The following SPARC variants were observed in gnomAD, a reference collection of about 807,000 sequenced individuals.
SPARC encodes the protein secreted protein acidic and cysteine rich, also known as basement-membrane protein 40.
In SPARC, 23 loss-of-function variants were observed where a neutral mutation model predicts 37.7. That is an observed-to-expected ratio of 0.61 (90% CI 0.44 to 0.87). The LOEUF (loss-of-function observed/expected upper bound fraction) is 0.87, where lower values mean the gene tolerates loss of function less well. SPARC is among the 40% of genes least tolerant of loss of function. The pLI is 0.00. For missense variants in SPARC, 312 were observed against 389.0 expected (o/e 0.80, Z 1.66); for synonymous variants, 155 against 150.8 (o/e 1.03, Z -0.20).
Position 151,676,781 on chromosome 5 carries a change from C to T in SPARC, c.-13-580G>A, listed in dbSNP as rs369696087. Among the ~76,000 whole-genome samples the T allele has an allele frequency of 1.2e-3, 188 of 152,280 alleles. 2 individuals carry two copies. Among genetic ancestry groups the T allele is most frequent in the African/African-American group, 4.3e-3 (179 of 41,542 alleles). ...ATCTCTCCTCTTCCTCCTCTGTCGC[C>T]TCCTCCCCCTCCTTCCTACTCCCTC... On this transcript the variant is annotated intron_variant, in intron 1 of 9. Transcript: ENST00000231061.
rs750973122 is a variant in SPARC at position 151,673,122 on chromosome 5, G to A, written c.208+7C>T. On this transcript the variant is annotated splice_region_variant and intron_variant, in intron 4 of 9. Coordinates refer to ENST00000231061, the MANE Select transcript of SPARC (RefSeq NM_003118.4). ...TGGATGTGCCAAGTTACAGGGAAGG[G>A]ACATACTTTCCGCCACCACCTCCTC... 6.2e-7 allele frequency: 1 copy of A among 1,608,040 alleles called. No homozygotes were observed. The highest frequency in any genetic ancestry group is 8.5e-7 in the Non-Finnish European group (1 of 1,174,418).
At chr5:151,678,148 A>G (rs984056480) in intron 1 of SPARC, among the ~76,000 whole-genome samples, 3 of 152,236 alleles carry the variant, frequency 2.0e-5, no homozygotes, top group Non-Finnish European at 2.9e-5. Context: ...AAACAAAACA[A>G]AAAGTTACCC....
At position 151,664,089 on chromosome 5, in the gene SPARC, T is replaced by C. The variant is rs1343545645; in HGVS notation, c.881A>G (p.Gln294Arg). 2 of 1,614,068 alleles carry C rather than the reference T, an allele frequency of 1.2e-6. No homozygotes were observed. Among genetic ancestry groups the C allele is most frequent in the African/African-American group, 2.7e-5 (2 of 74,950 alleles). Residue 294 changes from glutamine to arginine, a missense_variant and splice_region_variant, in exon 9 of 10, where the codon CAG becomes CGG. Physicochemically the swap from Gln to Arg is conservative, Grantham distance 43. Transcript: ENST00000231061. ...TGCTTCTTTGTTCAGACACTCACTC[T>C]GCTTGATGCCGAAGCAGCCGGCCCA... is the stretch of plus-strand genomic sequence containing the variant. The part of the protein sequence containing the change: ...DEWAGCFGIK[Q>R]KDIDKDLVI
At chr5:151,683,509 G>A (rs559642735) in intron 1 of SPARC, among the ~76,000 whole-genome samples, 1 of 152,218 alleles carries the variant, frequency 6.6e-6, no homozygotes, top group Admixed American at 6.5e-5. Flanking sequence ...CTCTTCCTGA[G>A]CCTCAGTTTC....
At position 151,661,310 on chromosome 5, in the gene SPARC, C is replaced by T. The variant is rs974160680; in HGVS notation, c.*2261G>A. On this transcript the variant is annotated 3_prime_UTR_variant, in exon 10 of 10. Coordinates refer to ENST00000231061, the MANE Select transcript of SPARC (RefSeq NM_003118.4). ...AATGAGCCAATGCTGAAATTTACTT[C>T]AATTCCTCTCTCTACAGATTCCTAG... is the stretch of plus-strand genomic sequence containing the variant. The T allele has an allele frequency of 6.6e-6, 1 of 152,180 alleles. No homozygotes were observed. Among genetic ancestry groups the T allele is most frequent in the African/African-American group, 2.4e-5 (1 of 41,440 alleles). The allele number at this position is 152,180 out of a possible 1,614,324, so 9.4% of individuals were successfully genotyped here. A position where few individuals can be genotyped will look rare whatever the true frequency, so the allele number is the denominator to read the frequency against.
chr5:151,667,405 T>G (rs1487815289), intron 7 of SPARC, 62 bp downstream of exon 7: 74 of 1,605,672 alleles, frequency 4.6e-5, no homozygotes, highest in Non-Finnish European at 6.2e-5. Flanking sequence ...GGGGGCCCAG[T>G]TCTAGGAATG....
In SPARC at chr5:151,670,483, T is replaced by A. The variant is rs6861887; in HGVS notation, c.331-699A>T. On this transcript the variant is annotated intron_variant, in intron 5 of 9. Coordinates refer to ENST00000231061, the MANE Select transcript of SPARC (RefSeq NM_003118.4). ...TAAGAATGCACTCTGATGACCCCTC[T>A]TGGGAGTCAGTCAGTCTCCACCCAG... 1.1e-3 allele frequency among the ~76,000 whole-genome samples: 164 copies of A among 152,324 alleles called. 1 individual carries two copies. Among genetic ancestry groups the A allele is most frequent in the African/African-American group, 3.8e-3 (158 of 41,564 alleles).
intron 1 of SPARC, among the ~76,000 whole-genome samples, chr5:151,677,277 A>C (rs1392687678): frequency 6.6e-6 from 1 of 152,146 alleles, no homozygotes; most frequent in African/African-American, 2.4e-5. Context: ...TGCCTCCCTC[A>C]AACTTTCTGA....
chr5:151,674,331 G>A (rs1760811756), intron 3 of SPARC, among the ~76,000 whole-genome samples: 1 of 151,994 alleles, frequency 6.6e-6, no homozygotes, highest in African/African-American at 2.4e-5. Flanking sequence ...TTTTACGTTT[G>A]CAAAAACTGT....
chr5:151,666,348 T>A lies in SPARC; in HGVS notation c.734+13A>T, dbSNP rs1581519851. ...GCCTTGAGCTCTGTTCACTCTAGGG[T>A]CTGGGGTCTTACCCGTCAATGGGGT... On this transcript the variant is annotated intron_variant, in intron 8 of 9. Coordinates refer to ENST00000231061, the MANE Select transcript of SPARC (RefSeq NM_003118.4). 2 of 1,612,570 alleles carry A rather than the reference T, an allele frequency of 1.2e-6. No individual in the cohort carries two copies. The highest frequency in any genetic ancestry group is 4.5e-5 in the East Asian group (2 of 44,840).
chr5:151,676,674 A>T (rs1760865184), intron 1 of SPARC, among the ~76,000 whole-genome samples: 1 of 152,226 alleles, frequency 6.6e-6, no homozygotes, highest in African/African-American at 2.4e-5. Flanking sequence ...TAACTAGTTA[A>T]GTTTGGGCAA....
chr5:151,674,544 G>A (rs1364720118), intron 3 of SPARC, 68 bp downstream of exon 3: 18 of 1,451,586 alleles, frequency 1.2e-5, no homozygotes, highest in South Asian at 3.4e-5. Context: ...CACAGCATCC[G>A]CCCTAATTTC....
intron 1 of SPARC, among the ~76,000 whole-genome samples, chr5:151,684,715 T>G (rs1212029291): frequency 1.3e-5 from 2 of 151,974 alleles, no homozygotes; most frequent in Non-Finnish European, 2.9e-5. Flanking sequence ...ATTCGCAAAG[T>G]GCTTCCCTGT....
Position 151,666,390 on chromosome 5 carries a change from G to A in SPARC, c.705C>T (p.Phe235=), listed in dbSNP as rs755476160. The A allele has an allele frequency of 1.9e-5, 31 of 1,613,948 alleles. No homozygotes were observed. Among genetic ancestry groups the A allele is most frequent in the African/African-American group, 8.0e-5 (6 of 74,928 alleles). The change falls in exon 8 of 10, where the codon TTC becomes TTT. Residue 235 remains phenylalanine, a synonymous_variant. Coordinates refer to ENST00000231061, the MANE Select transcript of SPARC (RefSeq NM_003118.4). ...CAATGGGGTGCTGGTCCAGCTGGCC[G>A]AACTGCCAGTGTACAGGGAAGATGT... ...NMYIFPVHWQ[F]GQLDQHPIDG... is the part of the protein sequence containing the mutation.
intron 8 of SPARC, 62 bp downstream of exon 8, chr5:151,666,299 T>A (rs1760617597): frequency 1.3e-6 from 2 of 1,547,566 alleles, no homozygotes; most frequent in Non-Finnish European, 8.8e-7. Context: ...AGAGGCTTTC[T>A]GGCCATAGCT....
Position 151,666,434 on chromosome 5 carries a change from C to A in SPARC, c.661G>T (p.Glu221Ter). The A allele has an allele frequency of 6.2e-7, 1 of 1,614,220 alleles. No individual in the cohort carries two copies. The highest frequency in any genetic ancestry group is 8.5e-7 in the Non-Finnish European group (1 of 1,180,034). The stretch of plus-strand genomic sequence containing the variant: ...AAGATGTACATGTTATAGTTCTTCT[C>A]GAAGTCCCGGGCCAGCAGCTCCACG... ...HPVELLARDF[E>*]KNYNMYIFPV... The change falls in exon 8 of 10, where the codon GAG (glutamate) becomes TAG (stop). Residue 221 changes from glutamate (E) to a stop codon, truncating the protein, a stop_gained. Coordinates refer to ENST00000231061, the MANE Select transcript of SPARC (RefSeq NM_003118.4). LOFTEE classifies it high-confidence loss of function.
At chr5:151,666,791 G>A (rs1240175403) in intron 7 of SPARC, among the ~76,000 whole-genome samples, 1 of 152,244 alleles carries the variant, frequency 6.6e-6, no homozygotes, top group African/African-American at 2.4e-5. Context: ...TTGGGAGGCT[G>A]AGGCAGGCAG....
At chr5:151,670,608 C>A (rs1760727557) in intron 5 of SPARC, among the ~76,000 whole-genome samples, 1 of 152,154 alleles carries the variant, frequency 6.6e-6, no homozygotes, top group African/African-American at 2.4e-5. Context: ...CAACTGTATG[C>A]TGAGCCAATG....
In SPARC at chr5:151,663,435, G is replaced by A. The variant is rs147077348; in HGVS notation, c.*136C>T. 17 of 843,592 alleles carry A rather than the reference G, an allele frequency of 2.0e-5. No individual in the cohort carries two copies. The highest frequency in any genetic ancestry group is 1.4e-4 in the African/African-American group (8 of 59,032). The allele number at this position is 843,592 out of a possible 1,614,324, so 52.3% of individuals were successfully genotyped here. ...GGTTAGAATTTTCATTTTTAGCACC[G>A]TTAATGTATTCACTTAAATCTATGT... On this transcript the variant is annotated 3_prime_UTR_variant, in exon 10 of 10. Transcript: ENST00000231061.
Sources: allele counts gnomAD v4.1 joint callset (sites outside exome capture counted in the v4.1 genomes callset), GRCh38; gene constraint gnomAD v4.1.1; transcripts MANE v1.5; gene names NCBI Gene and HGNC (gene_info 2026-07-23, HGNC 2026-07-21).